Variants in TNR observed in about 807,000 individuals in gnomAD.
The protein encoded by TNR is tenascin-R.
In TNR, 45 loss-of-function variants were observed where a neutral mutation model predicts 150.4. The observed-to-expected ratio is 0.30, with a 90% CI of 0.24 to 0.38. The LOEUF is 0.38. TNR is among the 10% of genes least tolerant of loss of function. The pLI, the probability that TNR is intolerant of heterozygous loss-of-function variation, is 1.00. For missense variants in TNR, 1,544 were observed against 1,759.1 expected (o/e 0.88, Z 2.19); for synonymous variants, 687 against 678.4 (o/e 1.01, Z -0.20).
At chr1:175,484,723 A>G (rs909547240) in intron 2 of TNR, among the ~76,000 whole-genome samples, 7 of 152,344 alleles carry the variant, frequency 4.6e-5, no homozygotes, top group African/African-American at 1.7e-4. Flanking sequence ...ATTGGTGACG[A>G]TAATGGTACT....
rs537268734 is a variant in TNR at position 175,365,116 on chromosome 1, C to T, written c.2481G>A (p.Arg827=). ...MMEVSLDATK[R]HAVLMGLQPA... ...GTTGCAGGCCCATCAGGACAGCATG[C>T]CTCTTGGTGGCATCCAGGGAGACCT... The change falls in exon 12 of 23, where the codon AGG becomes AGA. Residue 827 remains arginine (R), a synonymous_variant. Transcript: ENST00000367674. 7 of 1,614,070 alleles carry T rather than the reference C, an allele frequency of 4.3e-6. No individual in the cohort carries two copies. Among genetic ancestry groups the T allele is most frequent in the African/African-American group, 2.7e-5 (2 of 75,006 alleles).
chr1:175,458,443 A>G (rs757238894), intron 2 of TNR, among the ~76,000 whole-genome samples: 5 of 152,216 alleles, frequency 3.3e-5, no homozygotes, highest in Non-Finnish European at 7.3e-5. Flanking sequence ...AAACATATAC[A>G]CAAGCTAAAA....
At chr1:175,344,846 T>C (rs1650701952) in intron 18 of TNR, among the ~76,000 whole-genome samples, 1 of 152,068 alleles carries the variant, frequency 6.6e-6, no homozygotes, top group South Asian at 2.1e-4. Context: ...ATTGCGCAAC[T>C]CATTCATTGC....
intron 2 of TNR, among the ~76,000 whole-genome samples, chr1:175,434,777 T>C (rs1655423261): frequency 6.6e-6 from 1 of 152,194 alleles, no homozygotes; most frequent in East Asian, 1.9e-4. Context: ...CTGAATTCTC[T>C]GAATTTGCTC....
chr1:175,604,768 T>C (rs1169760525), intron 1 of TNR, among the ~76,000 whole-genome samples: 2 of 152,234 alleles, frequency 1.3e-5, no homozygotes, highest in Non-Finnish European at 1.5e-5. Flanking sequence ...CTCCCATTTA[T>C]GTGCGACAGT....
intron 1 of TNR, among the ~76,000 whole-genome samples, chr1:175,559,000 G>T (rs752819821): frequency 5.9e-5 from 9 of 152,164 alleles, no homozygotes; most frequent in Non-Finnish European, 1.2e-4. Flanking sequence ...TAGCTAGGAA[G>T]GTTGTGCGTG....
intron 2 of TNR, among the ~76,000 whole-genome samples, chr1:175,520,290 A>G (rs1044243372): frequency 6.6e-6 from 1 of 152,154 alleles, no homozygotes; most frequent in East Asian, 1.9e-4. Context: ...CTTACATTAC[A>G]ATTCTTAAAT....
At position 175,739,944 on chromosome 1, in the gene TNR, A is replaced by T. The variant is rs577847679; in HGVS notation, c.-165+3282T>A. ...AAAAATTTCAAAATCATCTCTATGA[A>T]CTCCATCAAATAACTCAGGTCAGCT... is the stretch of plus-strand genomic sequence containing the variant. On this transcript the variant is annotated intron_variant, in intron 1 of 22. Transcript: ENST00000367674. Among the ~76,000 whole-genome samples the T allele has an allele frequency of 5.9e-5, 9 of 152,344 alleles. 1 individual carries two copies. The South Asian group carries it at 1.9e-3, about 32-fold the overall frequency.
At chr1:175,607,782 G>A (rs1417066112) in intron 1 of TNR, among the ~76,000 whole-genome samples, 1 of 152,208 alleles carries the variant, frequency 6.6e-6, no homozygotes, top group African/African-American at 2.4e-5. Flanking sequence ...AGGCAAGCTG[G>A]TTGGTATATA....
chr1:175,611,918 G>A (rs1039199327), intron 1 of TNR, among the ~76,000 whole-genome samples: 5 of 152,136 alleles, frequency 3.3e-5, no homozygotes, highest in Non-Finnish European at 5.9e-5. Flanking sequence ...TAAATCAATG[G>A]GTGGAAAAAC....
intron 2 of TNR, among the ~76,000 whole-genome samples, chr1:175,440,410 A>G (rs12083023): frequency 0.26 from 38,493 of 149,810 alleles, 5,271 homozygotes; most frequent in East Asian, 0.5. Context: ...AGCATTAGGA[A>G]ATACACCTAA....
intron 4 of TNR, among the ~76,000 whole-genome samples, chr1:175,402,045 C>T (rs900160560): frequency 1.2e-4 from 18 of 152,188 alleles, no homozygotes; most frequent in African/African-American, 3.1e-4. Context: ...CGGTGGCTCA[C>T]GCCTGTAATC....
chr1:175,728,160 G>T (rs1667531152), intron 1 of TNR, among the ~76,000 whole-genome samples: 2 of 152,292 alleles, frequency 1.3e-5, no homozygotes. Context: ...GGAGATCAGT[G>T]GTAACAGTGG....
chr1:175,669,236 C>A (rs1171107880), intron 1 of TNR, among the ~76,000 whole-genome samples: 1 of 152,222 alleles, frequency 6.6e-6, no homozygotes, highest in African/African-American at 2.4e-5. Flanking sequence ...CATCACAGTC[C>A]TGCTCCAGCT....
intron 9 of TNR, among the ~76,000 whole-genome samples, chr1:175,373,139 G>C (rs192009131): frequency 6.6e-6 from 1 of 152,162 alleles, no homozygotes; most frequent in Non-Finnish European, 1.5e-5. Context: ...ACTCCGAAGA[G>C]AGGATATCTG....
chr1:175,335,893 A>G, intron 19 of TNR, 86 bp from the exon 20 acceptor site: 2 of 1,203,294 alleles, frequency 1.7e-6, no homozygotes, highest in South Asian at 1.4e-5. Context: ...TGTGATAAGT[A>G]AAATTGATAT....
chr1:175,437,594 T>C (rs923326387), intron 2 of TNR, among the ~76,000 whole-genome samples: 3 of 152,030 alleles, frequency 2.0e-5, no homozygotes, highest in African/African-American at 7.3e-5. Context: ...CAGGAGCTGG[T>C]TTTTTGAAAA....
intron 1 of TNR, among the ~76,000 whole-genome samples, chr1:175,716,322 T>C (rs1202124545): frequency 1.3e-5 from 2 of 152,212 alleles, no homozygotes; most frequent in African/African-American, 4.8e-5. Flanking sequence ...CTAATAATCA[T>C]TGCCTTTAAA....
chr1:175,424,313 A>C (rs1240470386), intron 2 of TNR, among the ~76,000 whole-genome samples: 5 of 152,202 alleles, frequency 3.3e-5, no homozygotes, highest in Admixed American at 3.3e-4. Flanking sequence ...CAAGTCAGAC[A>C]TGCCTGGCCT....
Sources: gnomAD v4.1 joint callset for allele counts (sites outside exome capture counted in the v4.1 genomes callset) on GRCh38, gnomAD v4.1.1 for gene constraint, MANE v1.5 for transcripts, NCBI Gene and HGNC (gene_info 2026-07-23, HGNC 2026-07-21) for gene names.